CTDSPL: variants seen among roughly 807,000 people sequenced by gnomAD.
CTDSPL encodes CTD small phosphatase-like protein.
CTDSPL carries 8 observed loss-of-function variants against 30.5 expected under a neutral mutation model. The ratio of observed to expected loss-of-function variants is 0.26; its 90% CI spans 0.15 to 0.47. The LOEUF (loss-of-function observed/expected upper bound fraction) is 0.47, where lower values mean the gene tolerates loss of function less well. Ranked by LOEUF, CTDSPL falls within the 20% of genes least tolerant of loss-of-function variation. The probability of loss-of-function intolerance (pLI) is 0.99; values close to 1 mark genes in which losing one functional copy is unlikely to be tolerated. For synonymous variants in CTDSPL, 110 were observed against 137.9 expected, an observed-to-expected ratio of 0.80 and a Z score of 1.42; for missense variants, 248 against 366.1, an observed-to-expected ratio of 0.68 and a Z score of 2.63.
Position 37,971,460 on chromosome 3 carries a change from G to C in CTDSPL, c.480G>C (p.Gln160His). The C allele has an allele frequency of 6.2e-7, 1 of 1,614,166 alleles. No individual in the cohort carries two copies. Among genetic ancestry groups the C allele is most frequent in the Non-Finnish European group, 8.5e-7 (1 of 1,180,018 alleles). The change falls in exon 6 of 8, where the codon CAG becomes CAC. Residue 160 changes from glutamine to histidine, a missense_variant. Transcript: ENST00000273179. The stretch of plus-strand genomic sequence containing the variant: ...ACGAGTTCCTCCAGAGGATGGGGCA[G>C]CTTTTTGAATGTGTGCTCTTTACTG... The part of the protein sequence containing the change: ...HVDEFLQRMG[Q>H]LFECVLFTAS...
chr3:37,964,521 T>C, intron 3 of CTDSPL, 50 bp from the exon 4 acceptor site: 2 of 1,273,826 alleles, frequency 1.6e-6, no homozygotes, highest in Non-Finnish European at 2.3e-6. Context: ...GCAATACTGA[T>C]TGGTTTGTCT....
At chr3:37,912,230 C>T (rs1698591850) in intron 1 of CTDSPL, among the ~76,000 whole-genome samples, 2 of 152,174 alleles carry the variant, frequency 1.3e-5, no homozygotes, top group Non-Finnish European at 2.9e-5. Context: ...GGCATGGCTT[C>T]CCCCTAGTGG....
intron 1 of CTDSPL, among the ~76,000 whole-genome samples, chr3:37,865,753 C>T (rs1698001426): frequency 6.6e-6 from 1 of 152,124 alleles, no homozygotes; most frequent in Admixed American, 6.5e-5. Context: ...ACCTTTAGGG[C>T]TGGAAAAAGA....
chr3:37,882,202 G>A (rs1187286734), intron 1 of CTDSPL, among the ~76,000 whole-genome samples: 3 of 152,046 alleles, frequency 2.0e-5, no homozygotes, highest in Non-Finnish European at 2.9e-5. Flanking sequence ...TAGCACTTTG[G>A]GAGGCCGAGG....
rs1699413438 is a variant in CTDSPL, at chr3:37,975,381, GAA to G, written c.520-326_520-325del. Reference sequence around the variant, plus strand: ...ATGGGCTAGAAAGGAGGCCCCGTGGGAAAGACAGGTTTTTCACGAGGCTCACA... The same window carrying G: ...ATGGGCTAGAAAGGAGGCCCCGTGGGAGACAGGTTTTTCACGAGGCTCACA... On this transcript the variant is annotated intron_variant, in intron 6 of 7. Transcript: ENST00000273179. The surrounding 1 kb of genome is among the most constrained non-coding windows in gnomAD (Gnocchi z 4.9). Among the ~76,000 whole-genome samples, 1 of 152,204 alleles carries G rather than the reference GAA, an allele frequency of 6.6e-6. No homozygotes were observed. The highest frequency in any genetic ancestry group is 2.4e-5 in the African/African-American group (1 of 41,452).
At chr3:37,954,881 T>G (rs978688237) in intron 2 of CTDSPL, 1 of 152,222 alleles carries the variant, frequency 6.6e-6, no homozygotes, top group Non-Finnish European at 1.5e-5. Context: ...TATGCATACC[T>G]CATGCTGTAT....
rs142520839 is a variant in CTDSPL at position 37,921,461 on chromosome 3, C to T, written c.80-25596C>T. Among the ~76,000 whole-genome samples the T allele has an allele frequency of 2.0e-3, 298 of 152,296 alleles. 1 individual carries two copies. The highest frequency in any genetic ancestry group is 2.3e-3 in the Non-Finnish European group (155 of 68,018). On this transcript the variant is annotated intron_variant, in intron 1 of 7. Coordinates refer to ENST00000273179, the MANE Select transcript of CTDSPL (RefSeq NM_001008392.2). Reference sequence around the variant, plus strand: ...CAACTTTAGAGACTGTATTGCAGGTCGTCGGAGGTGTATCTGTCTCCTCCC... The same window carrying T: ...CAACTTTAGAGACTGTATTGCAGGTTGTCGGAGGTGTATCTGTCTCCTCCC...
At chr3:37,918,578 C>G (rs149211427) in intron 1 of CTDSPL, among the ~76,000 whole-genome samples, 1 of 152,172 alleles carries the variant, frequency 6.6e-6, no homozygotes, top group Non-Finnish European at 1.5e-5. Flanking sequence ...TCATATTAAT[C>G]GGTTCTCACA....
chr3:37,919,628 G>C (rs1347644960), intron 1 of CTDSPL, among the ~76,000 whole-genome samples: 1 of 152,172 alleles, frequency 6.6e-6, no homozygotes, highest in Non-Finnish European at 1.5e-5. Context: ...TTGGTGGAAG[G>C]CTGCAGTTTC....
intron 5 of CTDSPL, 108 bp from the exon 6 acceptor site, chr3:37,971,299 G>C: frequency 1.1e-6 from 1 of 924,534 alleles, no homozygotes; most frequent in South Asian, 1.5e-5. Flanking sequence ...ACCTGGGGGA[G>C]GGAGGCAGGA....
chr3:37,914,420 A>T (rs917136997), intron 1 of CTDSPL, among the ~76,000 whole-genome samples: 6 of 152,192 alleles, frequency 3.9e-5, no homozygotes, highest in Non-Finnish European at 8.8e-5. Flanking sequence ...CCTTGATCTC[A>T]GCAGGAAGCC....
At chr3:37,875,021 A>G (rs896302317) in intron 1 of CTDSPL, among the ~76,000 whole-genome samples, 1 of 152,370 alleles carries the variant, frequency 6.6e-6, no homozygotes, top group Non-Finnish European at 1.5e-5. Flanking sequence ...TTAATTTCTT[A>G]ACATATATTT....
intron 1 of CTDSPL, among the ~76,000 whole-genome samples, chr3:37,874,911 T>C (rs1378217007): frequency 1.3e-5 from 2 of 152,188 alleles, no homozygotes; most frequent in Non-Finnish European, 1.5e-5. Flanking sequence ...AGAACTTACT[T>C]TGCAGATTTG....
intron 1 of CTDSPL, among the ~76,000 whole-genome samples, chr3:37,917,536 A>T (rs1170680972): frequency 1.3e-5 from 2 of 152,360 alleles, no homozygotes; most frequent in Admixed American, 1.3e-4. Flanking sequence ...AGACCTTATT[A>T]GGTCGATGTA....
chr3:37,906,418 T>G (rs536385751), intron 1 of CTDSPL, among the ~76,000 whole-genome samples: 7 of 152,290 alleles, frequency 4.6e-5, no homozygotes, highest in African/African-American at 1.7e-4. Context: ...AATGCTTCCC[T>G]TATTAAAGTC....
At chr3:37,868,883 T>A (rs1698042144) in intron 1 of CTDSPL, among the ~76,000 whole-genome samples, 1 of 152,122 alleles carries the variant, frequency 6.6e-6, no homozygotes, top group African/African-American at 2.4e-5. Context: ...TTTTAGCTGT[T>A]CTAGTTTTGT....
chr3:37,931,166 G>A (rs1329794761), intron 1 of CTDSPL, among the ~76,000 whole-genome samples: 1 of 135,968 alleles, frequency 7.4e-6, no homozygotes, highest in African/African-American at 2.8e-5. Flanking sequence ...TTTTTCCTTC[G>A]AGACAAGGTT....
intron 1 of CTDSPL, among the ~76,000 whole-genome samples, chr3:37,867,977 G>A (rs1698031690): frequency 6.6e-6 from 1 of 152,086 alleles, no homozygotes; most frequent in Non-Finnish European, 1.5e-5. Flanking sequence ...TTTAAAAACT[G>A]ATATATAATA....
rs986786076 is a variant in CTDSPL, at chr3:37,940,563, T to C, written c.80-6494T>C. ...TACGAGGTGCAAAGATGACTACCAA[T>C]TGCTCCAGGCTTACATCCTGCCATG... is the stretch of plus-strand genomic sequence containing the variant. On this transcript the variant is annotated intron_variant, in intron 1 of 7. Coordinates refer to ENST00000273179, the MANE Select transcript of CTDSPL (RefSeq NM_001008392.2). 2.7e-5 allele frequency among the ~76,000 whole-genome samples: 4 copies of C among 150,308 alleles called. 1 individual carries two copies. Among genetic ancestry groups the C allele is most frequent in the Non-Finnish European group, 6.0e-5 (4 of 67,070 alleles).
Sources: gnomAD v4.1 joint callset for allele counts (sites outside exome capture counted in the v4.1 genomes callset) on GRCh38, gnomAD v4.1.1 for gene constraint, Gnocchi (gnomAD v3.1) non-coding constraint, MANE v1.5 for transcripts, NCBI Gene and HGNC (gene_info 2026-07-23, HGNC 2026-07-21) for gene names.